NGEF: variants seen among roughly 807,000 people sequenced by gnomAD.
NGEF encodes neuronal guanine nucleotide exchange factor.
NGEF carries 31 observed loss-of-function variants against 80.9 expected under a neutral mutation model. The observed-to-expected ratio is 0.38, with a 90% confidence interval of 0.29 to 0.52. NGEF has a LOEUF of 0.52. Ranked by LOEUF, NGEF falls within the 20% of genes least tolerant of loss-of-function variation. The probability of loss-of-function intolerance (pLI) is 0.84; values close to 1 mark genes in which losing one functional copy is unlikely to be tolerated. For missense variants in NGEF, 709 were observed against 926.2 expected (o/e 0.77, Z 3.04); for synonymous variants, 371 against 370.2 (o/e 1.00, Z -0.03).
At chr2:232,901,523 A>C in intron 5 of NGEF, 1 of 839,456 alleles carries the variant, frequency 1.2e-6, no homozygotes, top group Non-Finnish European at 1.4e-6. Flanking sequence ...CTGCGTCACC[A>C]GGGTGACATC....
chr2:232,930,111 C>T (rs2944591), intron 3 of NGEF, among the ~76,000 whole-genome samples: 41,601 of 151,908 alleles, frequency 0.27, 5,872 homozygotes, highest in Admixed American at 0.3. Context: ...CTTTATCAGC[C>T]GCGTGAGAGC....
At position 232,984,995 on chromosome 2, in the gene NGEF, T is replaced by C. The variant is rs1318923126; in HGVS notation, c.-74-10031A>G. 6.6e-5 allele frequency among the ~76,000 whole-genome samples: 10 copies of C among 151,848 alleles called. No homozygotes were observed. The South Asian group carries it at 1.0e-3, about 16-fold the overall frequency. ...AAGGAATTGAGAGTGGACGGGGAGA[T>C]TGGGGACAGCTCTCAGGATCCCCCA... On this transcript the variant is annotated intron_variant, in intron 1 of 14. Transcript: ENST00000264051.
chr2:232,961,639 C>T (rs569641648), intron 3 of NGEF, among the ~76,000 whole-genome samples: 1 of 151,902 alleles, frequency 6.6e-6, no homozygotes, highest in South Asian at 2.1e-4. Flanking sequence ...ACTACAGGTG[C>T]CCGCCACCAC....
intron 5 of NGEF, among the ~76,000 whole-genome samples, chr2:232,900,939 T>TC (rs1692334307): frequency 1.3e-5 from 2 of 152,196 alleles, no homozygotes; most frequent in African/African-American, 4.8e-5. Flanking sequence ...GGTGGTGACG[T>TC]CCGGCGGCCT....
Position 232,892,374 on chromosome 2 carries a change from G to A in NGEF, c.1142+524C>T, listed in dbSNP as rs181152059. Reference sequence around the variant, plus strand: ...GGCACTGAAGTGCGAACCTCAGTGCGCAGAATTCAGAAGAGGCACGCTGGC... The same window carrying A: ...GGCACTGAAGTGCGAACCTCAGTGCACAGAATTCAGAAGAGGCACGCTGGC... On this transcript the variant is annotated intron_variant, in intron 7 of 14. Transcript: ENST00000264051. The surrounding 1 kb of genome is among the most constrained non-coding windows in gnomAD (Gnocchi z 4.0). Among the ~76,000 whole-genome samples, 17 of 152,260 alleles carry A rather than the reference G, an allele frequency of 1.1e-4. No individual in the cohort carries two copies. The highest frequency in any genetic ancestry group is 3.9e-4 in the African/African-American group (16 of 41,558).
intron 3 of NGEF, among the ~76,000 whole-genome samples, chr2:232,947,007 G>A (rs1693574219): frequency 6.6e-6 from 1 of 152,116 alleles, no homozygotes; most frequent in Admixed American, 6.5e-5. Flanking sequence ...TTCCCATTTT[G>A]CAAAAATGTA....
At chr2:232,887,933 TA>T in intron 9 of NGEF, 99 bp downstream of exon 9, 1 of 917,870 alleles carries the variant, frequency 1.1e-6, no homozygotes, top group Non-Finnish European at 1.8e-6. Flanking sequence ...TTGCATATTC[TA>T]AAAAGACACA....
intron 3 of NGEF, among the ~76,000 whole-genome samples, chr2:232,956,781 T>TAAAAAAA (rs57407464): frequency 3.2e-5 from 2 of 62,136 alleles, no homozygotes; most frequent in African/African-American, 1.2e-4. Flanking sequence ...AGACTCCATC[T>TAAAAAAA]AAAAAAAAAA....
chr2:232,929,371 G>A (rs1467034820), intron 3 of NGEF, among the ~76,000 whole-genome samples: 1 of 152,208 alleles, frequency 6.6e-6, no homozygotes, highest in South Asian at 2.1e-4. Context: ...AAGCTGAGAA[G>A]CATTAAGCTT....
intron 3 of NGEF, among the ~76,000 whole-genome samples, chr2:232,934,626 G>T (rs1452681844): frequency 6.6e-6 from 1 of 152,068 alleles, no homozygotes; most frequent in Non-Finnish European, 1.5e-5. Context: ...CTGACATTTT[G>T]TTCTGAATCA....
rs182257460 is a variant in NGEF, at chr2:232,906,544, T to C, written c.829-11628A>G. On this transcript the variant is annotated intron_variant, in intron 5 of 14. Transcript: ENST00000264051. ...GTGGGGGGGTCAGCCCCCCGCCCGG[T>C]CAGCCGCCCCGTCCGGGAGGTGAGG... 6.5e-3 allele frequency among the ~76,000 whole-genome samples: 177 copies of C among 27,326 alleles called. 1 individual carries two copies. Among genetic ancestry groups the C allele is most frequent in the Middle Eastern group, 0.05 (2 of 40 alleles). The allele number at this position is 27,326 out of a possible 152,430, so 17.9% of individuals were successfully genotyped here. A position where few individuals can be genotyped will look rare whatever the true frequency, so the allele number is the denominator to read the frequency against.
At chr2:233,011,301 G>T (rs900750123) in intron 1 of NGEF, among the ~76,000 whole-genome samples, 1 of 152,126 alleles carries the variant, frequency 6.6e-6, no homozygotes, top group Non-Finnish European at 1.5e-5. Flanking sequence ...GTGCTGGGGG[G>T]TGACTTCAGA....
intron 5 of NGEF, among the ~76,000 whole-genome samples, chr2:232,902,014 A>G (rs1692371907): frequency 1.3e-5 from 2 of 151,768 alleles, no homozygotes; most frequent in Non-Finnish European, 2.9e-5. Context: ...ACCATGGCCC[A>G]CTCCTCTCTC....
intron 1 of NGEF, among the ~76,000 whole-genome samples, chr2:233,010,129 G>A (rs780255539): frequency 6.6e-6 from 1 of 152,086 alleles, no homozygotes; most frequent in Non-Finnish European, 1.5e-5. Flanking sequence ...CTGACCTCTG[G>A]TAATCCATGC....
At chr2:232,906,155 C>G (rs1316499193) in intron 5 of NGEF, among the ~76,000 whole-genome samples, 3 of 61,218 alleles carry the variant, frequency 4.9e-5, no homozygotes, top group Admixed American at 3.0e-4. Context: ...CCCGCCCCGT[C>G]CGGGAGGGAG....
At chr2:232,944,759 A>ATATC (rs1219521024) in intron 3 of NGEF, among the ~76,000 whole-genome samples, 3 of 129,342 alleles carry the variant, frequency 2.3e-5, no homozygotes, top group Non-Finnish European at 3.3e-5. Context: ...ATATATATAT[A>ATATC]TATCTTTTTG....
intron 1 of NGEF, among the ~76,000 whole-genome samples, chr2:232,984,072 C>T (rs553486901): frequency 6.6e-6 from 1 of 152,284 alleles, no homozygotes; most frequent in African/African-American, 2.4e-5. Context: ...TTTCCTGATG[C>T]TGGGACAGAA....
At chr2:232,989,455 A>G (rs1694607500) in intron 1 of NGEF, among the ~76,000 whole-genome samples, 1 of 142,172 alleles carries the variant, frequency 7.0e-6, no homozygotes, top group Non-Finnish European at 1.6e-5. Flanking sequence ...TCAAAACAAA[A>G]CAAACAAACA....
In NGEF at chr2:232,968,093, C is replaced by CTTTTTTTT. The variant is rs1274944227; in HGVS notation, c.383+2113_383+2120dup. Among the ~76,000 whole-genome samples the CTTTTTTTT allele has an allele frequency of 2.4e-5, 3 of 125,782 alleles. 1 individual carries two copies. 82.5% of individuals were successfully genotyped at this position (125,782 alleles called of 152,430 possible). A position where few individuals can be genotyped will look rare whatever the true frequency, so the allele number is the denominator to read the frequency against. On this transcript the variant is annotated intron_variant, in intron 3 of 14. Coordinates refer to ENST00000264051, the MANE Select transcript of NGEF (RefSeq NM_019850.3). ...TTGCTGAGGGCAGAAACAGACCTGG[C>CTTTTTTTT]TTTTTTTTTTTTGAGACAAAGTTTC...
Sources: gnomAD v4.1 joint callset for allele counts (sites outside exome capture counted in the v4.1 genomes callset) on GRCh38, gnomAD v4.1.1 for gene constraint, Gnocchi (gnomAD v3.1) non-coding constraint, MANE v1.5 for transcripts, NCBI Gene and HGNC (gene_info 2026-07-23, HGNC 2026-07-21) for gene names.